Variants in PDE4D observed in about 807,000 individuals in gnomAD.
The protein encoded by PDE4D is 3',5'-cyclic-AMP phosphodiesterase 4D.
In PDE4D, 24 loss-of-function variants were observed where a neutral mutation model predicts 87.4. That is an observed-to-expected ratio of 0.27 (90% CI 0.20 to 0.39). The LOEUF (loss-of-function observed/expected upper bound fraction) is 0.39, where lower values mean the gene tolerates loss of function less well. Ranked by LOEUF, PDE4D falls within the 10% of genes least tolerant of loss-of-function variation. The pLI is 1.00. For missense variants in PDE4D, 714 were observed against 1,041.0 expected, an observed-to-expected ratio of 0.69 and a Z score of 4.32; for synonymous variants, 384 against 383.2, an observed-to-expected ratio of 1.00 and a Z score of -0.02.
intron 1 of PDE4D, among the ~76,000 whole-genome samples, chr5:59,405,318 G>A (rs1245187609): frequency 6.6e-6 from 1 of 151,982 alleles, no homozygotes; most frequent in Non-Finnish European, 1.5e-5. Flanking sequence ...TTAATTCCTA[G>A]GTATTTTATT....
chr5:59,999,066 G>A (rs948382368), intron 2 of PDE4D, among the ~76,000 whole-genome samples: 2 of 152,146 alleles, frequency 1.3e-5, no homozygotes, highest in Admixed American at 1.3e-4. Flanking sequence ...CTAGAAACCA[G>A]TCAAGAAGTT....
rs540013285 is a variant in PDE4D, at chr5:59,947,775, G to A, written c.272+40713C>T. ...TGTAATCCCAGCACTTTGGGAGGCC[G>A]AGGCAGGTGGATCACAAGGTCAGAA... On this transcript the variant is annotated intron_variant, in intron 3 of 16. Transcript: ENST00000502484. Among the ~76,000 whole-genome samples the A allele has an allele frequency of 4.6e-5, 7 of 152,304 alleles. No homozygotes were observed. The South Asian group carries it at 6.2e-4, about 14-fold the overall frequency.
intron 2 of PDE4D, among the ~76,000 whole-genome samples, chr5:60,051,913 C>T (rs1018651858): frequency 1.3e-5 from 2 of 152,170 alleles, no homozygotes; most frequent in African/African-American, 4.8e-5. Flanking sequence ...CTATGAACAG[C>T]TCTATGCAAA....
chr5:59,666,157 C>T (rs1427370181), intron 1 of PDE4D, among the ~76,000 whole-genome samples: 1 of 152,120 alleles, frequency 6.6e-6, no homozygotes, highest in East Asian at 1.9e-4. Flanking sequence ...GATGGGGTTT[C>T]GCCATGTTGC....
At chr5:59,025,893 G>A (rs1436471662) in intron 6 of PDE4D, among the ~76,000 whole-genome samples, 1 of 152,190 alleles carries the variant, frequency 6.6e-6, no homozygotes, top group Non-Finnish European at 1.5e-5. Flanking sequence ...TTCCTATTAT[G>A]GTGCCTATGG....
At chr5:59,695,368 T>A (rs1580478141) in intron 1 of PDE4D, among the ~76,000 whole-genome samples, 1 of 151,784 alleles carries the variant, frequency 6.6e-6, no homozygotes. Context: ...TTTATTGCCA[T>A]AATATTATAC....
intron 1 of PDE4D, among the ~76,000 whole-genome samples, chr5:59,804,899 C>T (rs1333414463): frequency 6.6e-6 from 1 of 152,196 alleles, no homozygotes; most frequent in African/African-American, 2.4e-5. Context: ...TCAAGCGATT[C>T]TCCCACCTCA....
intron 1 of PDE4D, among the ~76,000 whole-genome samples, chr5:60,367,358 GA>G: frequency 6.6e-6 from 1 of 151,228 alleles, no homozygotes; most frequent in Non-Finnish European, 1.5e-5. Flanking sequence ...TGAGGCAGGA[GA>G]ATCACTTGAA....
chr5:59,853,664 G>A (rs1170310369), intron 1 of PDE4D, among the ~76,000 whole-genome samples: 2 of 151,962 alleles, frequency 1.3e-5, no homozygotes, highest in African/African-American at 2.4e-5. Context: ...TATGCTCAAT[G>A]TTAAAATCAA....
intron 1 of PDE4D, among the ~76,000 whole-genome samples, chr5:60,378,059 A>C (rs1761562130): frequency 6.6e-6 from 1 of 152,204 alleles, no homozygotes; most frequent in South Asian, 2.1e-4. Context: ...CAATGGGTGA[A>C]TCATAATTGC....
At chr5:59,200,808 C>T (rs991404379) in intron 2 of PDE4D, among the ~76,000 whole-genome samples, 1 of 151,536 alleles carries the variant, frequency 6.6e-6, no homozygotes, top group African/African-American at 2.4e-5. Context: ...ACTTAAAGAA[C>T]CATTCAAAGA....
intron 2 of PDE4D, among the ~76,000 whole-genome samples, chr5:60,151,767 C>G (rs1057485682): frequency 3.3e-5 from 5 of 152,096 alleles, no homozygotes; most frequent in African/African-American, 7.2e-5. Flanking sequence ...ATTAGGACTT[C>G]CATTACTGTG....
intron 5 of PDE4D, among the ~76,000 whole-genome samples, chr5:59,159,178 G>A (rs879553218): frequency 2.0e-5 from 3 of 152,040 alleles, no homozygotes; most frequent in Non-Finnish European, 4.4e-5. Context: ...TTTTTGCCCA[G>A]GCTGGAGTGC....
rs138094703 is a variant in PDE4D, at chr5:59,646,597, A to G, written c.455+246571T>C. On this transcript the variant is annotated intron_variant, in intron 1 of 14. Coordinates refer to ENST00000340635, the MANE Select transcript of PDE4D (RefSeq NM_001104631.2). ...TAGTTCTCCAGAAATATGTTTTTAAATATCTTTATATATAAAACTGGGTTT... is the reference window on the plus strand; with the variant it reads ...TAGTTCTCCAGAAATATGTTTTTAAGTATCTTTATATATAAAACTGGGTTT... Among the ~76,000 whole-genome samples the G allele has an allele frequency of 5.6e-3, 856 of 152,286 alleles. 12 individuals are homozygous for G. The highest frequency in any genetic ancestry group is 0.02 in the African/African-American group (827 of 41,568).
intron 1 of PDE4D, among the ~76,000 whole-genome samples, chr5:59,265,066 A>G (rs2153537794): frequency 6.6e-6 from 1 of 152,172 alleles, no homozygotes; most frequent in African/African-American, 2.4e-5. Context: ...CCTTAGGACT[A>G]GAAGAGTAAG....
At chr5:59,348,171 A>T (rs957104050) in intron 1 of PDE4D, among the ~76,000 whole-genome samples, 4 of 152,296 alleles carry the variant, frequency 2.6e-5, no homozygotes, top group Admixed American at 1.3e-4. Context: ...TTACATAAAA[A>T]TTTTTAACTA....
At chr5:59,345,217 T>C (rs1779423615) in intron 1 of PDE4D, among the ~76,000 whole-genome samples, 3 of 152,164 alleles carry the variant, frequency 2.0e-5, no homozygotes. Flanking sequence ...TTTACTAGTG[T>C]TTTTCAACAG....
At chr5:59,043,355 C>G (rs1760013283) in intron 5 of PDE4D, among the ~76,000 whole-genome samples, 1 of 152,108 alleles carries the variant, frequency 6.6e-6, no homozygotes, top group Non-Finnish European at 1.5e-5. Context: ...AACCTTGGCT[C>G]TACTAAAAAT....
At chr5:59,959,245 C>G (rs1200587491) in intron 3 of PDE4D, among the ~76,000 whole-genome samples, 1 of 152,056 alleles carries the variant, frequency 6.6e-6, no homozygotes, top group Admixed American at 6.6e-5. Context: ...ACATTTCATG[C>G]TCATAGCTTT....
Sources: allele counts gnomAD v4.1 joint callset (sites outside exome capture counted in the v4.1 genomes callset), GRCh38; gene constraint gnomAD v4.1.1; transcripts MANE v1.5; gene names NCBI Gene and HGNC (gene_info 2026-07-23, HGNC 2026-07-21).